The following SLC15A4 variants were observed in gnomAD, a reference collection of about 807,000 sequenced individuals.
SLC15A4 encodes the protein hPHT1.
In SLC15A4, 26 loss-of-function variants were observed where a neutral mutation model predicts 46.1. The observed-to-expected ratio is 0.56, with a 90% CI of 0.41 to 0.78. SLC15A4 has a LOEUF of 0.78. Ranked by LOEUF, SLC15A4 falls within the 30% of genes least tolerant of loss-of-function variation. SLC15A4 has a pLI of 0.00. For synonymous variants in SLC15A4, 370 were observed against 333.4 expected (o/e 1.11, Z -1.20); for missense variants, 751 against 755.7 (o/e 0.99, Z 0.07).
In SLC15A4 at chr12:128,794,364, AAAC is replaced by A. The variant is rs147786891; in HGVS notation, c.1574-11_1574-9del. The A allele has an allele frequency of 6.8e-3, 10,958 of 1,602,976 alleles. 555 individuals are homozygous for A. In the African/African-American group the frequency reaches 0.12, roughly 18 times the overall value. On this transcript the variant is annotated splice_polypyrimidine_tract_variant and intron_variant, in intron 7 of 7. Transcript: ENST00000266771. ...AGCAGCCGTTAATATTACCTGGAGA[AAAC>A]AAAAGGAAAGCGGCAGGTAAGCTGC...
intron 5 of SLC15A4, chr12:128,801,254 T>TATAAAA: frequency 2.7e-6 from 1 of 365,382 alleles, no homozygotes; most frequent in Non-Finnish European, 4.9e-6. Flanking sequence ...TTATATAAAA[T>TATAAAA]CAGATGTTCA....
rs562759392 is a variant in SLC15A4 at position 128,811,547 on chromosome 12, T to A, written c.843-1436A>T. Among the ~76,000 whole-genome samples the A allele has an allele frequency of 1.5e-4, 23 of 152,308 alleles. No homozygotes were observed. In the East Asian group the frequency reaches 3.7e-3, roughly 24 times the overall value. On this transcript the variant is annotated intron_variant, in intron 2 of 7. Coordinates refer to ENST00000266771, the MANE Select transcript of SLC15A4 (RefSeq NM_145648.4). The stretch of plus-strand genomic sequence containing the variant: ...TCCTGTCCTTACGGACTTAGTCTAG[T>A]GGGGGAAAATAATCAAAAACAAAAA...
chr12:128,811,450 G>T (rs1049116664), intron 2 of SLC15A4, among the ~76,000 whole-genome samples: 1 of 152,198 alleles, frequency 6.6e-6, no homozygotes, highest in Admixed American at 6.5e-5. Flanking sequence ...AACTAAGTTC[G>T]ATTCAACAAA....
At position 128,810,000 on chromosome 12, in the gene SLC15A4, C is replaced by T. The variant is rs747546951; in HGVS notation, c.954G>A (p.Leu318=). 12 of 1,614,164 alleles carry T rather than the reference C, an allele frequency of 7.4e-6. No homozygotes were observed. Among genetic ancestry groups the T allele is most frequent in the Non-Finnish European group, 1.0e-5 (12 of 1,180,032 alleles). ...CCAAGAAAACAGGGACAATCTTGAC[C>T]AGAGCTTTCACATCTTCCACTTTCT... ...TEEKVEDVKA[L]VKIVPVFLAL... is the part of the protein sequence containing the mutation. The change falls in exon 3 of 8, where the codon CTG becomes CTA. Residue 318 remains leucine (L), a synonymous_variant. Coordinates refer to ENST00000266771, the MANE Select transcript of SLC15A4 (RefSeq NM_145648.4).
chr12:128,802,943 A>T (rs550847389), intron 5 of SLC15A4, among the ~76,000 whole-genome samples: 1 of 152,300 alleles, frequency 6.6e-6, no homozygotes, highest in Admixed American at 6.5e-5. Context: ...GTCACGAGCG[A>T]GGCGGAGAGG....
At chr12:128,809,891 G>A (rs1372633143) in intron 3 of SLC15A4, 52 bp downstream of exon 3, 7 of 1,566,506 alleles carry the variant, frequency 4.5e-6, no homozygotes, top group African/African-American at 2.7e-5. Flanking sequence ...AAGTGCTAGG[G>A]TAAGACTTCA....
intron 5 of SLC15A4, among the ~76,000 whole-genome samples, chr12:128,807,787 T>C (rs962392042): frequency 2.0e-5 from 3 of 152,260 alleles, no homozygotes; most frequent in Non-Finnish European, 4.4e-5. Context: ...CGACCTCACT[T>C]TAATTATCTA....
intron 1 of SLC15A4, 132 bp from the exon 2 acceptor site, chr12:128,815,202 G>T: frequency 2.4e-6 from 2 of 845,000 alleles, no homozygotes; most frequent in Non-Finnish European, 3.6e-6. Flanking sequence ...TCAAAATTGT[G>T]TTTACAGAAA....
intron 1 of SLC15A4, chr12:128,815,591 C>T (rs144234620): frequency 0.014 from 2,226 of 160,594 alleles, 54 homozygotes; most frequent in African/African-American, 0.051. Flanking sequence ...GAGGCTGAGG[C>T]AGGAGAATCG....
intron 2 of SLC15A4, chr12:128,814,032 T>G (rs1955703395): frequency 6.4e-6 from 1 of 155,710 alleles, no homozygotes; most frequent in Non-Finnish European, 1.5e-5. Flanking sequence ...GGCCAGTGAC[T>G]TGGAGGGGTT....
Position 128,823,656 on chromosome 12 carries a change from G to A in SLC15A4, c.288C>T (p.Ala96=), listed in dbSNP as rs578132916. The A allele has an allele frequency of 4.0e-6, 6 of 1,491,758 alleles. No individual in the cohort carries two copies. Among genetic ancestry groups the A allele is most frequent in the Admixed American group, 2.2e-5 (1 of 45,990 alleles). The allele number at this position is 1,491,758 out of a possible 1,614,324, so 92.4% of individuals were successfully genotyped here. A position where few individuals can be genotyped will look rare whatever the true frequency, so the allele number is the denominator to read the frequency against. The part of the protein sequence containing the change: ...YLGSPFGGWL[A]DARLGRARAI... ...CGCGCGCCCGGCCCAGCCGCGCGTCGGCCAGCCAGCCTCCGAACGGCGAGC... is the reference window on the plus strand; with the variant it reads ...CGCGCGCCCGGCCCAGCCGCGCGTCAGCCAGCCAGCCTCCGAACGGCGAGC... Residue 96 remains alanine (A), a synonymous_variant, in exon 1 of 8, where the codon GCC becomes GCT. Transcript: ENST00000266771.
At chr12:128,795,575 G>A (rs184657376) in intron 7 of SLC15A4, among the ~76,000 whole-genome samples, 2 of 152,308 alleles carry the variant, frequency 1.3e-5, no homozygotes, top group Non-Finnish European at 2.9e-5. Context: ...ACGCGGTGAG[G>A]GTGCTAGCAA....
Position 128,814,825 on chromosome 12 carries a change from C to T in SLC15A4, c.792G>A (p.Leu264=). 6.2e-7 allele frequency: 1 copy of T among 1,614,220 alleles called. No individual in the cohort carries two copies. The highest frequency in any genetic ancestry group is 8.5e-7 in the Non-Finnish European group (1 of 1,180,046). Reference sequence around the variant, plus strand: ...GCTTCTGGGAACAGCAGGAATACGTCAGTATCTTGAACATGTCGGTGAAGG... The same window carrying T: ...GCTTCTGGGAACAGCAGGAATACGTTAGTATCTTGAACATGTCGGTGAAGG... ...GSAFTDMFKI[L]TYSCCSQKRS... is the part of the protein sequence containing the mutation. The change falls in exon 2 of 8, where the codon CTG becomes CTA. Residue 264 remains leucine (L), a synonymous_variant. Coordinates refer to ENST00000266771, the MANE Select transcript of SLC15A4 (RefSeq NM_145648.4).
rs770141231 is a variant in SLC15A4, at chr12:128,823,642, C to G, written c.302G>C (p.Gly101Ala). The change falls in exon 1 of 8, where the codon GGC becomes GCC. Residue 101 changes from glycine (G) to alanine (A), a missense_variant. Transcript: ENST00000266771. The part of the protein sequence containing the change: ...FGGWLADARL[G>A]RARAILLSLA... The stretch of plus-strand genomic sequence containing the variant: ...GCTCAGCAGGATGGCGCGCGCCCGG[C>G]CCAGCCGCGCGTCGGCCAGCCAGCC... 85 of 1,487,420 alleles carry G rather than the reference C, an allele frequency of 5.7e-5. No individual in the cohort carries two copies. The highest frequency in any genetic ancestry group is 6.9e-5 in the Non-Finnish European group (77 of 1,123,624). The allele number at this position is 1,487,420 out of a possible 1,614,324, so 92.1% of individuals were successfully genotyped here. A position where few individuals can be genotyped will look rare whatever the true frequency, so the allele number is the denominator to read the frequency against.
chr12:128,804,921 G>T (rs552031084), intron 5 of SLC15A4, among the ~76,000 whole-genome samples: 4 of 152,162 alleles, frequency 2.6e-5, no homozygotes, highest in East Asian at 1.9e-4. Flanking sequence ...CACTGAAACC[G>T]CCAAAAACAA....
rs779531656 is a variant in SLC15A4 at position 128,808,814 on chromosome 12, A to G, written c.1232T>C (p.Phe411Ser). 5.6e-6 allele frequency: 9 copies of G among 1,614,216 alleles called. No homozygotes were observed. The highest frequency in any genetic ancestry group is 7.6e-6 in the Non-Finnish European group (9 of 1,180,038). Residue 411 changes from phenylalanine (F) to serine (S), a missense_variant, in exon 5 of 8, where the codon TTT becomes TCT. Physicochemically the swap from Phe to Ser is radical, Grantham distance 155 (BLOSUM62 -2). Coordinates refer to ENST00000266771, the MANE Select transcript of SLC15A4 (RefSeq NM_145648.4). ...SLKRIAVGMFFVMCSAFAAGI... is the reference protein window; with the variant it reads ...SLKRIAVGMFSVMCSAFAAGI... The stretch of plus-strand genomic sequence containing the variant: ...TGCAGCAAAGGCCGAGCACATGACA[A>G]AGAACATGCCCACGGCGATCCTCTT...
intron 1 of SLC15A4, among the ~76,000 whole-genome samples, chr12:128,822,657 T>C (rs376133112): frequency 1.3e-5 from 2 of 152,088 alleles, no homozygotes; most frequent in Admixed American, 1.3e-4. Flanking sequence ...GTGCAAGCGA[T>C]TCTCCTGCCT....
intron 5 of SLC15A4, among the ~76,000 whole-genome samples, chr12:128,802,240 C>G (rs1955526450): frequency 6.6e-6 from 1 of 152,194 alleles, no homozygotes; most frequent in Non-Finnish European, 1.5e-5. Context: ...TCAGGCAAGG[C>G]TGGTAGTGAC....
chr12:128,810,775 C>T (rs2135715061), intron 2 of SLC15A4, among the ~76,000 whole-genome samples: 1 of 152,244 alleles, frequency 6.6e-6, no homozygotes, highest in East Asian at 1.9e-4. Context: ...GCCCAGTGCA[C>T]CGCGTCCCAT....
Sources: allele counts gnomAD v4.1 joint callset (sites outside exome capture counted in the v4.1 genomes callset), GRCh38; gene constraint gnomAD v4.1.1; transcripts MANE v1.5; gene names NCBI Gene and HGNC (gene_info 2026-07-23, HGNC 2026-07-21).